Variants in CNTNAP2 observed in about 807,000 individuals in gnomAD.
CNTNAP2 encodes the protein contactin-associated protein-like 2.
In CNTNAP2, 98 loss-of-function variants were observed where a neutral mutation model predicts 155.2. That is an observed-to-expected ratio of 0.63 (90% confidence interval 0.54 to 0.75). CNTNAP2 has a LOEUF of 0.75. CNTNAP2 is among the 30% of genes least tolerant of loss of function. CNTNAP2 has a pLI of 0.00. For synonymous variants in CNTNAP2, 651 were observed against 631.2 expected (o/e 1.03, Z -0.47); for missense variants, 1,727 against 1,688.1 (o/e 1.02, Z -0.40).
intron 4 of CNTNAP2, among the ~76,000 whole-genome samples, chr7:147,049,228 G>A (rs766643235): frequency 1.8e-4 from 27 of 152,168 alleles, no homozygotes; most frequent in South Asian, 1.0e-3. Flanking sequence ...ATACCACAGC[G>A]TACACCAAAT....
At chr7:146,216,212 A>G (rs1463241173) in intron 1 of CNTNAP2, among the ~76,000 whole-genome samples, 1 of 152,176 alleles carries the variant, frequency 6.6e-6, no homozygotes, top group African/African-American at 2.4e-5. Flanking sequence ...CAGGAAAAGA[A>G]GCCAAGAAGC....
intron 11 of CNTNAP2, among the ~76,000 whole-genome samples, chr7:147,511,662 G>C (rs1194091558): frequency 1.3e-5 from 2 of 151,942 alleles, no homozygotes; most frequent in South Asian, 2.1e-4. Context: ...CAGACCCATA[G>C]CTCCCCAAAG....
At chr7:146,798,333 A>G (rs896750387) in intron 2 of CNTNAP2, among the ~76,000 whole-genome samples, 4 of 151,930 alleles carry the variant, frequency 2.6e-5, no homozygotes, top group African/African-American at 9.7e-5. Flanking sequence ...ACAATCTGAC[A>G]TAATTTAGCA....
At chr7:147,611,035 T>C (rs951228277) in intron 12 of CNTNAP2, among the ~76,000 whole-genome samples, 10 of 152,056 alleles carry the variant, frequency 6.6e-5, no homozygotes, top group African/African-American at 2.4e-4. Context: ...CCACCACGCC[T>C]GGCCCATTTA....
chr7:146,222,097 T>C (rs1284078289), intron 1 of CNTNAP2, among the ~76,000 whole-genome samples: 1 of 152,194 alleles, frequency 6.6e-6, no homozygotes, highest in Non-Finnish European at 1.5e-5. Context: ...TGATTTCCCT[T>C]TGAAATACCC....
chr7:146,707,269 CTAT>C (rs1800982535), intron 1 of CNTNAP2, among the ~76,000 whole-genome samples: 1 of 152,112 alleles, frequency 6.6e-6, no homozygotes, highest in South Asian at 2.1e-4. Flanking sequence ...ACTCCCACTT[CTAT>C]TCACGGCCAC....
chr7:146,872,178 T>C (rs1795323827), intron 3 of CNTNAP2, among the ~76,000 whole-genome samples: 2 of 150,598 alleles, frequency 1.3e-5, no homozygotes, highest in Non-Finnish European at 3.0e-5. Context: ...TTTTTTTTTT[T>C]TTTTTTTTGG....
At chr7:148,028,357 T>A (rs2116457708) in intron 15 of CNTNAP2, among the ~76,000 whole-genome samples, 1 of 152,214 alleles carries the variant, frequency 6.6e-6, no homozygotes, top group Non-Finnish European at 1.5e-5. Context: ...AGATCTCATG[T>A]TCCACACATT....
chr7:147,402,484 G>A (rs1258620908), intron 10 of CNTNAP2, among the ~76,000 whole-genome samples: 1 of 152,178 alleles, frequency 6.6e-6, no homozygotes, highest in Non-Finnish European at 1.5e-5. Flanking sequence ...GCATGTCTGA[G>A]TCCCATTTGG....
At chr7:146,287,131 A>G (rs1051893024) in intron 1 of CNTNAP2, among the ~76,000 whole-genome samples, 28 of 152,172 alleles carry the variant, frequency 1.8e-4, no homozygotes, top group Admixed American at 1.7e-3. Flanking sequence ...TGTTGTTACC[A>G]CCTTTTTCTA....
intron 1 of CNTNAP2, among the ~76,000 whole-genome samples, chr7:146,352,256 G>C (rs1050197023): frequency 6.6e-6 from 1 of 151,972 alleles, no homozygotes; most frequent in Non-Finnish European, 1.5e-5. Flanking sequence ...TATAAATATA[G>C]CTGGAATTAA....
At chr7:146,319,239 G>C (rs1438645083) in intron 1 of CNTNAP2, among the ~76,000 whole-genome samples, 1 of 152,052 alleles carries the variant, frequency 6.6e-6, no homozygotes, top group Non-Finnish European at 1.5e-5. Context: ...TTCTCAGCAT[G>C]CATTTAATTT....
At chr7:146,837,462 GT>G (rs1316901962) in intron 2 of CNTNAP2, among the ~76,000 whole-genome samples, 3 of 151,860 alleles carry the variant, frequency 2.0e-5, no homozygotes, top group African/African-American at 2.4e-5. Flanking sequence ...ATGTTTATAT[GT>G]TTTATTTTAG....
At chr7:148,050,443 T>C (rs1802866993) in intron 15 of CNTNAP2, among the ~76,000 whole-genome samples, 1 of 152,236 alleles carries the variant, frequency 6.6e-6, no homozygotes, top group South Asian at 2.1e-4. Flanking sequence ...TAGAATAGGA[T>C]ATAAAGAAAA....
intron 21 of CNTNAP2, among the ~76,000 whole-genome samples, chr7:148,336,079 A>G (rs1798110294): frequency 6.6e-6 from 1 of 152,190 alleles, no homozygotes. Flanking sequence ...ACTGCCTCTC[A>G]TTACAGAACT....
At position 146,442,285 on chromosome 7, in the gene CNTNAP2, GA is replaced by G. The variant is rs1796330513; in HGVS notation, c.97+325314del. Among the ~76,000 whole-genome samples, 3 of 151,688 alleles carry G rather than the reference GA, an allele frequency of 2.0e-5. No individual in the cohort carries two copies. The South Asian group carries it at 6.2e-4, about 32-fold the overall frequency. On this transcript the variant is annotated intron_variant, in intron 1 of 23. Transcript: ENST00000361727. Reference sequence around the variant, plus strand: ...ATCTAATTTTTGTTCCTTGTTTCGGGAAGTCTTTTGAATGTTTGCACTTTCT... The same window carrying G: ...ATCTAATTTTTGTTCCTTGTTTCGGGAGTCTTTTGAATGTTTGCACTTTCT...
Position 146,241,682 on chromosome 7 carries a change from A to G in CNTNAP2, c.97+124709A>G, listed in dbSNP as rs560301350. Among the ~76,000 whole-genome samples the G allele has an allele frequency of 5.9e-5, 9 of 152,298 alleles. No individual in the cohort carries two copies. The South Asian group carries it at 1.7e-3, about 28-fold the overall frequency. ...GGAAATTGTGAAATATGGTTCAGAT[A>G]TGATAGAGAATCATAGCCCATAGTT... On this transcript the variant is annotated intron_variant, in intron 1 of 23. Transcript: ENST00000361727.
At chr7:147,496,628 C>G (rs1480396334) in intron 11 of CNTNAP2, 1 of 152,094 alleles carries the variant, frequency 6.6e-6, no homozygotes, top group Non-Finnish European at 1.5e-5. Context: ...CAGGAGCGGT[C>G]CAGCTGTGAC....
At chr7:147,696,880 A>G (rs1198134305) in intron 13 of CNTNAP2, among the ~76,000 whole-genome samples, 1 of 152,038 alleles carries the variant, frequency 6.6e-6, no homozygotes, top group Non-Finnish European at 1.5e-5. Context: ...ACGTAATTTT[A>G]TAAGTGAAGT....
Sources: gnomAD v4.1 joint callset for allele counts (sites outside exome capture counted in the v4.1 genomes callset) on GRCh38, gnomAD v4.1.1 for gene constraint, MANE v1.5 for transcripts, NCBI Gene and HGNC (gene_info 2026-07-23, HGNC 2026-07-21) for gene names.